Variants in GFRA4 observed in about 807,000 individuals in gnomAD.
The protein encoded by GFRA4 is GDNF family receptor alpha-4.
A neutral mutation model predicts 28.5 loss-of-function variants in GFRA4; 31 were observed. That is an observed-to-expected ratio of 1.09 (90% CI 0.82 to 1.47). GFRA4 has a LOEUF of 1.47. Ranked by LOEUF, GFRA4 falls within the 40% of genes most tolerant of loss-of-function variation. GFRA4 has a pLI of 0.00. For missense variants in GFRA4, 389 were observed against 413.2 expected (o/e 0.94, Z 0.51); for synonymous variants, 188 against 188.0 (o/e 1.00, Z 0.00).
Position 3,660,666 on chromosome 20 carries a change from G to A in GFRA4, c.503-6C>T. 6.5e-7 allele frequency: 1 copy of A among 1,544,350 alleles called. No individual in the cohort carries two copies. The highest frequency in any genetic ancestry group is 1.2e-5 in the South Asian group (1 of 83,782). On this transcript the variant is annotated splice_region_variant and splice_polypyrimidine_tract_variant and intron_variant, in intron 3 of 5. Transcript: ENST00000290417. Reference sequence around the variant, plus strand: ...GTTAGGGGTGACGGCGGTGCCTGCGGGGACCCTGAGGGCGAAGTCATCGGC... The same window carrying A: ...GTTAGGGGTGACGGCGGTGCCTGCGAGGACCCTGAGGGCGAAGTCATCGGC...
At position 3,660,788 on chromosome 20, in the gene GFRA4, C is replaced by T; in HGVS notation, c.469G>A (p.Ala157Thr). 1 of 1,413,184 alleles carries T rather than the reference C, an allele frequency of 7.1e-7. No homozygotes were observed. Among genetic ancestry groups the T allele is most frequent in the Non-Finnish European group, 9.1e-7 (1 of 1,094,168 alleles). 87.5% of individuals were successfully genotyped at this position (1,413,184 alleles called of 1,614,324 possible). ...CCCGCGTAGGCGCGCAGGCAGCGGG[C>T]GCCCTGGTCCAGCAGGCAGCCGTCG... ...APDGCLLDQG[A>T]RCLRAYAGLV... The change falls in exon 3 of 6, where the codon GCC (alanine) becomes ACC (threonine). Residue 157 changes from alanine to threonine, a missense_variant. Transcript: ENST00000290417.
chr20:3,662,988 C>A (rs952489155), intron 1 of GFRA4, among the ~76,000 whole-genome samples: 2 of 152,192 alleles, frequency 1.3e-5, no homozygotes, highest in Admixed American at 1.3e-4. Context: ...GAAGGTGGAA[C>A]AACAGATGAA....
chr20:3,662,966 G>A (rs893396285), intron 1 of GFRA4, among the ~76,000 whole-genome samples: 1 of 152,162 alleles, frequency 6.6e-6, no homozygotes, highest in African/African-American at 2.4e-5. Context: ...ATGCAGGGAC[G>A]GAGCAGTCCA....
rs569922247 is a variant in GFRA4 at position 3,659,444 on chromosome 20, T to C, written c.*465A>G. ...GGCTACAATGGTGGGTAATGCCCAG[T>C]TGGGAGGATGCAGTGTTAGACGGGG... On this transcript the variant is annotated 3_prime_UTR_variant, in exon 6 of 6. Transcript: ENST00000290417. 5.3e-5 allele frequency: 9 copies of C among 169,444 alleles called. No individual in the cohort carries two copies. Among genetic ancestry groups the C allele is most frequent in the African/African-American group, 1.7e-4 (7 of 41,616 alleles). 10.5% of individuals were successfully genotyped at this position (169,444 alleles called of 1,614,324 possible).
At position 3,660,520 on chromosome 20, in the gene GFRA4, C is replaced by T; in HGVS notation, c.637+6G>A. 3.9e-6 allele frequency: 6 copies of T among 1,548,588 alleles called. No homozygotes were observed. Among genetic ancestry groups the T allele is most frequent in the Non-Finnish European group, 3.5e-6 (4 of 1,146,520 alleles). On this transcript the variant is annotated splice_donor_region_variant and intron_variant, in intron 4 of 5. Transcript: ENST00000290417. ...CTCCCCCTCCACTCCCCCCCGGGCC[C>T]CTCACCCAAGCAGCGGTTCCTGGTA...
Position 3,659,943 on chromosome 20 carries a change from A to C in GFRA4, c.776T>G (p.Ile259Arg). The stretch of plus-strand genomic sequence containing the variant: ...GGCCGGGAGAGCCAGGACAGGAAGT[A>C]TGGAGAGCAGGGAGCGTCTCTCCAG... Reference protein sequence around the residue: ...RALERRSLLSILPVLALPALL With the variant: ...RALERRSLLSRLPVLALPALL The change falls in exon 6 of 6, where the codon ATA (isoleucine) becomes AGA (arginine). Residue 259 changes from isoleucine to arginine, a missense_variant. Physicochemically the swap from Ile to Arg is moderately conservative, Grantham distance 97. Coordinates refer to ENST00000290417, the MANE Select transcript of GFRA4 (RefSeq NM_022139.4). 1.3e-6 allele frequency: 2 copies of C among 1,598,384 alleles called. No homozygotes were observed. The highest frequency in any genetic ancestry group is 1.7e-6 in the Non-Finnish European group (2 of 1,173,648).
At chr20:3,662,481 A>G (rs1231434654) in intron 1 of GFRA4, among the ~76,000 whole-genome samples, 1 of 27,184 alleles carries the variant, frequency 3.7e-5, no homozygotes, top group Non-Finnish European at 7.7e-5. Flanking sequence ...ACGGGGTGGT[A>G]TCCCCCCCCC....
At chr20:3,663,202 A>C in intron 1 of GFRA4, 152 bp downstream of exon 1, 4 of 860,464 alleles carry the variant, frequency 4.6e-6, no homozygotes, top group Non-Finnish European at 7.3e-6. Flanking sequence ...GTCAATTGCC[A>C]GGGGTCCCCA....
Position 3,660,802 on chromosome 20 carries a change from AG to A in GFRA4, c.454del (p.Leu152CysfsTer28). 1 of 1,415,160 alleles carries A rather than the reference AG, an allele frequency of 7.1e-7. No individual in the cohort carries two copies. Among genetic ancestry groups the A allele is most frequent in the Non-Finnish European group, 9.1e-7 (1 of 1,096,558 alleles). The allele number at this position is 1,415,160 out of a possible 1,614,324, so 87.7% of individuals were successfully genotyped here. A position where few individuals can be genotyped will look rare whatever the true frequency, so the allele number is the denominator to read the frequency against. ...CAGGCAGCGGGCGCCCTGGTCCAGC[AG>A]GCAGCCGTCGGGGGCGCTGGGCGCT... is the stretch of plus-strand genomic sequence containing the variant. ...TPAPSAPDGC[L>X]LDQGARCLRA... On this transcript the variant is annotated frameshift_variant, in exon 3 of 6. Transcript: ENST00000290417. LOFTEE classifies it high-confidence loss of function.
chr20:3,663,144 G>C (rs952653658), intron 1 of GFRA4, among the ~76,000 whole-genome samples: 7 of 152,280 alleles, frequency 4.6e-5, no homozygotes, highest in Middle Eastern at 3.4e-3. Context: ...GGGGATGGCG[G>C]TGGTGGCTTG....
chr20:3,660,495 CT>C, intron 4 of GFRA4, 30 bp downstream of exon 4: 1 of 1,495,358 alleles, frequency 6.7e-7, no homozygotes, highest in African/African-American at 1.4e-5. Flanking sequence ...GCCGCCCCCA[CT>C]CCCCCTCCAC....
rs74740423 is a variant in GFRA4, at chr20:3,659,921, C to G, written c.798G>C (p.Pro266=). The change falls in exon 6 of 6, where the codon CCG becomes CCC. Residue 266 remains proline (P), a synonymous_variant. Transcript: ENST00000290417. ...GTCGCTGTCCTAATCAGAGCAGGGC[C>G]GGGAGAGCCAGGACAGGAAGTATGG... ...LLSILPVLAL[P]ALL is the part of the protein sequence containing the mutation. The G allele has an allele frequency of 2.2e-5, 35 of 1,595,920 alleles. No homozygotes were observed. Among genetic ancestry groups the G allele is most frequent in the African/African-American group, 4.0e-5 (3 of 74,742 alleles).
rs966971276 is a variant in GFRA4 at position 3,661,061 on chromosome 20, G to T, written c.275C>A (p.Ala92Glu). 7 of 1,446,336 alleles carry T rather than the reference G, an allele frequency of 4.8e-6. No homozygotes were observed. In the African/African-American group the frequency reaches 9.0e-5, roughly 19 times the overall value. 89.6% of individuals were successfully genotyped at this position (1,446,336 alleles called of 1,614,324 possible). ...ALLFCPCAGP[A>E]CAERRRQTFV... is the part of the protein sequence containing the mutation. ...GGTCTGGCGCCGACGCTCGGCGCAC[G>T]CGGGGCCCGCGCACGGGCAGAAGAG... is the stretch of plus-strand genomic sequence containing the variant. Residue 92 changes from alanine to glutamate, a missense_variant, in exon 2 of 6, where the codon GCG (alanine) becomes GAG (glutamate). Physicochemically the swap from Ala to Glu is moderately radical, Grantham distance 107. Coordinates refer to ENST00000290417, the MANE Select transcript of GFRA4 (RefSeq NM_022139.4).
chr20:3,660,264 G>A lies in GFRA4; in HGVS notation c.638-15C>T. On this transcript the variant is annotated splice_polypyrimidine_tract_variant and intron_variant, in intron 4 of 5. Coordinates refer to ENST00000290417, the MANE Select transcript of GFRA4 (RefSeq NM_022139.4). ...AATGGCACCATCTATGGAGGGAGGGGTCCAGGGTGGACTTAGCTGGGAAAC... is the reference window on the plus strand; with the variant it reads ...AATGGCACCATCTATGGAGGGAGGGATCCAGGGTGGACTTAGCTGGGAAAC... The A allele has an allele frequency of 1.3e-6, 2 of 1,590,480 alleles. No homozygotes were observed. Among genetic ancestry groups the A allele is most frequent in the Non-Finnish European group, 1.7e-6 (2 of 1,167,454 alleles).
rs576350946 is a variant in GFRA4, at chr20:3,659,639, G to A, written c.*270C>T. On this transcript the variant is annotated 3_prime_UTR_variant, in exon 6 of 6. Transcript: ENST00000290417. ...TGACCCCACCTTGTGGGAGACCCCA[G>A]TGGTCTCAAGGTCTGTGAATAAAGG... 1.1e-4 allele frequency: 57 copies of A among 523,670 alleles called. 1 individual carries two copies. The highest frequency in any genetic ancestry group is 1.0e-3 in the Middle Eastern group (2 of 1,950). The allele number at this position is 523,670 out of a possible 1,614,324, so 32.4% of individuals were successfully genotyped here.
In GFRA4 at chr20:3,660,751, G is replaced by T. The variant is rs574854017; in HGVS notation, c.502+4C>A. On this transcript the variant is annotated splice_donor_region_variant and intron_variant, in intron 3 of 5. Transcript: ENST00000290417. ...GCCCTCGCCCGGATCCCGGCCGCGC[G>T]TACCCACGAGGCCCGCGTAGGCGCG... 5.2e-5 allele frequency: 74 copies of T among 1,430,060 alleles called. No homozygotes were observed. The East Asian group carries it at 1.7e-3, about 33-fold the overall frequency. 88.6% of individuals were successfully genotyped at this position (1,430,060 alleles called of 1,614,324 possible). A position where few individuals can be genotyped will look rare whatever the true frequency, so the allele number is the denominator to read the frequency against.
rs1036163480 is a variant in GFRA4 at position 3,659,510 on chromosome 20, G to A, written c.*399C>T. 2.0e-4 allele frequency: 46 copies of A among 232,628 alleles called. No individual in the cohort carries two copies. Among genetic ancestry groups the A allele is most frequent in the Non-Finnish European group, 3.6e-4 (42 of 117,300 alleles). 14.4% of individuals were successfully genotyped at this position (232,628 alleles called of 1,614,324 possible). On this transcript the variant is annotated 3_prime_UTR_variant, in exon 6 of 6. Coordinates refer to ENST00000290417, the MANE Select transcript of GFRA4 (RefSeq NM_022139.4). ...TCCTTAGGGGGTTATATGCTTGGGA[G>A]GCTGATACAATTTCCTAGAATTCTG...
chr20:3,660,300 G>A, intron 4 of GFRA4, 51 bp from the exon 5 acceptor site: 1 of 1,453,064 alleles, frequency 6.9e-7, no homozygotes. Context: ...CCTAGCACAG[G>A]GCTCAGCACA....
At position 3,659,607 on chromosome 20, in the gene GFRA4, C is replaced by CCT. The variant is rs1229297099; in HGVS notation, c.*300_*301dup. The CCT allele has an allele frequency of 4.4e-6, 2 of 454,766 alleles. No homozygotes were observed. Among genetic ancestry groups the CCT allele is most frequent in the Non-Finnish European group, 7.9e-6 (2 of 252,610 alleles). The allele number at this position is 454,766 out of a possible 1,614,324, so 28.2% of individuals were successfully genotyped here. A position where few individuals can be genotyped will look rare whatever the true frequency, so the allele number is the denominator to read the frequency against. On this transcript the variant is annotated 3_prime_UTR_variant, in exon 6 of 6. Transcript: ENST00000290417. Reference sequence around the variant, plus strand: ...GAGAGGTCTCAGCTACAAAAGTGACCCTCTCCTGACCCCACCTTGTGGGAG... The same window carrying CCT: ...GAGAGGTCTCAGCTACAAAAGTGACCCTCTCTCCTGACCCCACCTTGTGGGAG...
Sources: allele counts gnomAD v4.1 joint callset (sites outside exome capture counted in the v4.1 genomes callset), GRCh38; gene constraint gnomAD v4.1.1; transcripts MANE v1.5; gene names NCBI Gene and HGNC (gene_info 2026-07-23, HGNC 2026-07-21).